DPYD: variants seen among roughly 807,000 people sequenced by gnomAD.
The protein encoded by DPYD is dihydropyrimidine dehydrogenase [NADP(+)].
In DPYD, 109 loss-of-function variants were observed where a neutral mutation model predicts 116.2. That is an observed-to-expected ratio of 0.94 (90% CI 0.80 to 1.10). The LOEUF (loss-of-function observed/expected upper bound fraction) is 1.10, where lower values mean the gene tolerates loss of function less well. Among genes scored for constraint, DPYD ranks in the 50% least tolerant of loss-of-function variants. The pLI is 0.00. For missense variants in DPYD, 1,302 were observed against 1,254.5 expected (o/e 1.04, Z -0.57); for synonymous variants, 440 against 432.0 (o/e 1.02, Z -0.23).
chr1:97,108,481 C>T (rs1397122922), intron 20 of DPYD, among the ~76,000 whole-genome samples: 1 of 152,150 alleles, frequency 6.6e-6, no homozygotes, highest in African/African-American at 2.4e-5. Flanking sequence ...CTCTTTCCAT[C>T]CTACTTAACT....
intron 17 of DPYD, 110 bp downstream of exon 17, chr1:97,306,067 T>G: frequency 6.4e-7 from 1 of 1,570,592 alleles, no homozygotes; most frequent in African/African-American, 1.4e-5. Context: ...CTTTTAAAAT[T>G]GAGACAAAAA....
chr1:97,224,995 G>A (rs1054922196), intron 19 of DPYD, among the ~76,000 whole-genome samples: 6 of 132,976 alleles, frequency 4.5e-5, no homozygotes, highest in Admixed American at 1.5e-4. Flanking sequence ...CTAACTATCT[G>A]TCTGTCTGTC....
chr1:97,903,651 T>C (rs1673472368), intron 1 of DPYD, among the ~76,000 whole-genome samples: 1 of 151,956 alleles, frequency 6.6e-6, no homozygotes, highest in African/African-American at 2.4e-5. Flanking sequence ...TGATACTGTC[T>C]TACAATTCAT....
intron 13 of DPYD, among the ~76,000 whole-genome samples, chr1:97,476,122 T>G (rs967825363): frequency 6.6e-6 from 1 of 152,054 alleles, no homozygotes; most frequent in African/African-American, 2.4e-5. Context: ...ACCATGGAAG[T>G]CTATGGTGCA....
At chr1:97,471,434 G>A (rs979281056) in intron 13 of DPYD, among the ~76,000 whole-genome samples, 9 of 152,094 alleles carry the variant, frequency 5.9e-5, no homozygotes, top group Non-Finnish European at 1.2e-4. Context: ...CATGTAACTT[G>A]GGGTCTAAAA....
chr1:97,294,138 G>A (rs770681235), intron 18 of DPYD, among the ~76,000 whole-genome samples: 31 of 152,068 alleles, frequency 2.0e-4, no homozygotes, highest in Non-Finnish European at 3.7e-4. Context: ...GTCATCAACC[G>A]AATGTGCTAA....
intron 16 of DPYD, among the ~76,000 whole-genome samples, chr1:97,365,998 C>T (rs1161840325): frequency 1.3e-5 from 2 of 152,080 alleles, no homozygotes; most frequent in Non-Finnish European, 2.9e-5. Flanking sequence ...ATTTCCTGAC[C>T]TAGAACTGAT....
At chr1:97,868,668 G>A (rs1018281837) in intron 2 of DPYD, among the ~76,000 whole-genome samples, 3 of 151,696 alleles carry the variant, frequency 2.0e-5, no homozygotes, top group Non-Finnish European at 4.4e-5. Context: ...AGCTAGTTAA[G>A]GTGAAGAATC....
intron 10 of DPYD, among the ~76,000 whole-genome samples, chr1:97,574,326 G>C (rs1023522621): frequency 3.3e-5 from 5 of 151,800 alleles, no homozygotes; most frequent in Non-Finnish European, 5.9e-5. Flanking sequence ...TTTTAATCAT[G>C]CTGCATATTA....
chr1:97,854,228 A>G (rs1670708006), intron 2 of DPYD, among the ~76,000 whole-genome samples: 1 of 152,226 alleles, frequency 6.6e-6, no homozygotes. Flanking sequence ...AAATTTAGAA[A>G]CACAAGAGAT....
intron 21 of DPYD, among the ~76,000 whole-genome samples, chr1:97,086,259 G>T (rs1484650127): frequency 6.6e-6 from 1 of 151,884 alleles, no homozygotes; most frequent in Non-Finnish European, 1.5e-5. Context: ...CACCATATTG[G>T]CCCGGCTGGT....
chr1:97,300,777 A>G (rs1318392694), intron 18 of DPYD, among the ~76,000 whole-genome samples: 1 of 152,038 alleles, frequency 6.6e-6, no homozygotes, highest in Non-Finnish European at 1.5e-5. Context: ...ATTGCATTCT[A>G]ACAATTCACG....
intron 16 of DPYD, among the ~76,000 whole-genome samples, chr1:97,369,459 T>C (rs1368672556): frequency 6.6e-6 from 1 of 152,150 alleles, no homozygotes; most frequent in Non-Finnish European, 1.5e-5. Flanking sequence ...ACCTACTTAT[T>C]AGGAACTGTT....
At chr1:97,803,142 G>T (rs1571383999) in intron 3 of DPYD, among the ~76,000 whole-genome samples, 1 of 151,736 alleles carries the variant, frequency 6.6e-6, no homozygotes, top group Non-Finnish European at 1.5e-5. Flanking sequence ...CTTATATATG[G>T]TGTCTTTAAA....
intron 14 of DPYD, among the ~76,000 whole-genome samples, chr1:97,406,617 T>C (rs1253562114): frequency 7.6e-6 from 1 of 130,726 alleles, no homozygotes; most frequent in Non-Finnish European, 1.6e-5. Flanking sequence ...GAGTTCTCAA[T>C]AGGAACGCTT....
In DPYD at chr1:97,784,911, G is replaced by C. The variant is rs1358465345; in HGVS notation, c.233+43203C>G. 5.3e-5 allele frequency among the ~76,000 whole-genome samples: 8 copies of C among 152,222 alleles called. No homozygotes were observed. In the East Asian group the frequency reaches 1.4e-3, roughly 26 times the overall value. On this transcript the variant is annotated intron_variant, in intron 3 of 22. Transcript: ENST00000370192. ...GAATTTTAATGACAAACAGATGCTA[G>C]GAAAACAATTCCTGCCCTGGTTACT...
rs187919316 is a variant in DPYD at position 97,913,065 on chromosome 1, C to T, written c.39+7819G>A. On this transcript the variant is annotated intron_variant, in intron 1 of 22. Coordinates refer to ENST00000370192, the MANE Select transcript of DPYD (RefSeq NM_000110.4). The stretch of plus-strand genomic sequence containing the variant: ...GGTCTTAATTTCTAGTTAAAGACAG[C>T]ATAATCCTAAACATACAAAATGTAA... 2.5e-3 allele frequency among the ~76,000 whole-genome samples: 388 copies of T among 152,216 alleles called. 1 individual carries two copies. The highest frequency in any genetic ancestry group is 4.3e-3 in the Non-Finnish European group (293 of 67,992).
In DPYD at chr1:97,429,891, G is replaced by T. The variant is rs567990146; in HGVS notation, c.1905+20168C>A. ...GAGAAGAGGGTTGTGGAGAAGGGGG[G>T]GTAATCAATAATCAAAATCATATTT... On this transcript the variant is annotated intron_variant, in intron 14 of 22. Coordinates refer to ENST00000370192, the MANE Select transcript of DPYD (RefSeq NM_000110.4). Among the ~76,000 whole-genome samples, 8 of 151,942 alleles carry T rather than the reference G, an allele frequency of 5.3e-5. No individual in the cohort carries two copies. The South Asian group carries it at 1.7e-3, about 32-fold the overall frequency.
chr1:97,729,392 T>C lies in DPYD; in HGVS notation c.322-7721A>G, dbSNP rs1307597757. ...ATTTATATTATGCATTTTTTAACTG[T>C]GCATGGATAAGATGCCTATTCCATT... On this transcript the variant is annotated intron_variant, in intron 4 of 22. Coordinates refer to ENST00000370192, the MANE Select transcript of DPYD (RefSeq NM_000110.4). Among the ~76,000 whole-genome samples, 6 of 151,654 alleles carry C rather than the reference T, an allele frequency of 4.0e-5. No individual in the cohort carries two copies. In the South Asian group the frequency reaches 1.2e-3, roughly 31 times the overall value.
Sources: gnomAD v4.1 joint callset for allele counts (sites outside exome capture counted in the v4.1 genomes callset) on GRCh38, gnomAD v4.1.1 for gene constraint, MANE v1.5 for transcripts, NCBI Gene and HGNC (gene_info 2026-07-23, HGNC 2026-07-21) for gene names.